RAB3C: variants seen among roughly 807,000 people sequenced by gnomAD.
The protein encoded by RAB3C is ras-related protein Rab-3C.
In RAB3C, 17 loss-of-function variants were observed where a neutral mutation model predicts 26.4. The observed-to-expected ratio is 0.64, with a 90% CI of 0.44 to 0.97. The LOEUF is 0.97. RAB3C is among the 50% of genes least tolerant of loss of function. RAB3C has a pLI of 0.00. For missense variants in RAB3C, 242 were observed against 281.9 expected (o/e 0.86, Z 1.01); for synonymous variants, 91 against 95.9 (o/e 0.95, Z 0.30).
At chr5:58,645,825 A>C (rs1247057838) in intron 2 of RAB3C, among the ~76,000 whole-genome samples, 1 of 152,126 alleles carries the variant, frequency 6.6e-6, no homozygotes, top group Non-Finnish European at 1.5e-5. Context: ...GAGCAGAATG[A>C]GGTGAAGTGG....
intron 3 of RAB3C, among the ~76,000 whole-genome samples, chr5:58,745,507 C>T (rs1741385613): frequency 1.3e-5 from 2 of 151,896 alleles, no homozygotes; most frequent in Admixed American, 6.6e-5. Context: ...CATGGTGCTC[C>T]CTGATACTTC....
chr5:58,818,463 G>A (rs993329367), intron 3 of RAB3C, among the ~76,000 whole-genome samples: 16 of 151,914 alleles, frequency 1.1e-4, no homozygotes, highest in African/African-American at 3.1e-4. Context: ...TCTTTTTTAC[G>A]TTTATACATA....
chr5:58,636,418 C>T (rs1242702413), intron 2 of RAB3C, among the ~76,000 whole-genome samples: 1 of 152,194 alleles, frequency 6.6e-6, no homozygotes, highest in Non-Finnish European at 1.5e-5. Context: ...TGAATCCTGT[C>T]TTTTGACTCA....
intron 2 of RAB3C, among the ~76,000 whole-genome samples, chr5:58,711,097 C>T (rs748477028): frequency 2.5e-4 from 38 of 152,256 alleles, no homozygotes; most frequent in Non-Finnish European, 4.9e-4. Flanking sequence ...AATTTAATTG[C>T]GTATTTCATC....
At chr5:58,715,760 G>C (rs1281938050) in intron 2 of RAB3C, among the ~76,000 whole-genome samples, 1 of 152,068 alleles carries the variant, frequency 6.6e-6, no homozygotes. Flanking sequence ...CGATGAGAGA[G>C]AATGAAGATC....
chr5:58,583,938 GGTGCAGAA>G (rs1359074465), intron 1 of RAB3C, among the ~76,000 whole-genome samples: 4 of 152,148 alleles, frequency 2.6e-5, no homozygotes, highest in African/African-American at 4.8e-5. Context: ...AAAGGACTCT[GGTGCAGAA>G]GTACCACTGC....
intron 3 of RAB3C, among the ~76,000 whole-genome samples, chr5:58,748,241 GA>G (rs1741441275): frequency 6.6e-6 from 1 of 152,086 alleles, no homozygotes; most frequent in African/African-American, 2.4e-5. Context: ...ACAAGAACAA[GA>G]GAGATAACTT....
At chr5:58,841,749 C>T (rs1743880512) in intron 4 of RAB3C, among the ~76,000 whole-genome samples, 1 of 152,136 alleles carries the variant, frequency 6.6e-6, no homozygotes, top group Non-Finnish European at 1.5e-5. Flanking sequence ...CTTCCTAACT[C>T]CAGGCAGATC....
chr5:58,809,970 T>C (rs1426478561), intron 3 of RAB3C, among the ~76,000 whole-genome samples: 1 of 152,238 alleles, frequency 6.6e-6, no homozygotes, highest in African/African-American at 2.4e-5. Flanking sequence ...CCGTTTCACA[T>C]TGTTTGTGGC....
At chr5:58,728,131 A>G (rs1218236084) in intron 3 of RAB3C, among the ~76,000 whole-genome samples, 1 of 151,942 alleles carries the variant, frequency 6.6e-6, no homozygotes, top group Non-Finnish European at 1.5e-5. Flanking sequence ...ACCCTTACCT[A>G]CTTTTTTCAT....
intron 1 of RAB3C, among the ~76,000 whole-genome samples, chr5:58,610,172 G>GA (rs1746667661): frequency 2.4e-5 from 3 of 124,016 alleles, no homozygotes; most frequent in South Asian, 2.5e-4. Flanking sequence ...GAAGCTGTCA[G>GA]AAAAAAATGA....
At chr5:58,790,306 C>G (rs1048247378) in intron 3 of RAB3C, among the ~76,000 whole-genome samples, 1 of 152,176 alleles carries the variant, frequency 6.6e-6, no homozygotes, top group Non-Finnish European at 1.5e-5. Flanking sequence ...CACTAGATGG[C>G]TGCTATATAA....
chr5:58,591,944 G>C (rs1265325733), intron 1 of RAB3C, among the ~76,000 whole-genome samples: 1 of 144,500 alleles, frequency 6.9e-6, no homozygotes, highest in East Asian at 2.0e-4. Context: ...TGTTGCGCAG[G>C]CTGGAGTGCA....
intron 4 of RAB3C, among the ~76,000 whole-genome samples, chr5:58,834,556 T>C (rs1171252236): frequency 6.6e-6 from 1 of 152,222 alleles, no homozygotes; most frequent in African/African-American, 2.4e-5. Flanking sequence ...TAACTCTCAA[T>C]TGAAGTATTT....
chr5:58,616,010 A>ACT, intron 1 of RAB3C, among the ~76,000 whole-genome samples: 1 of 149,596 alleles, frequency 6.7e-6, no homozygotes, highest in South Asian at 2.1e-4. Context: ...ACACACACAC[A>ACT]CCCCTGACTT....
chr5:58,666,889 C>T lies in RAB3C; in HGVS notation c.252+49019C>T, dbSNP rs114327557. 4.0e-3 allele frequency among the ~76,000 whole-genome samples: 613 copies of T among 152,292 alleles called. 3 individuals carry two copies. The highest frequency in any genetic ancestry group is 0.012 in the African/African-American group (500 of 41,570). On this transcript the variant is annotated intron_variant, in intron 2 of 4. Transcript: ENST00000282878. ...TATGAAAACAGCAGTGAGGTGATGA[C>T]GTGCGTGGGACGTCAGACCAGAGCC...
intron 3 of RAB3C, among the ~76,000 whole-genome samples, chr5:58,761,049 C>T (rs55949058): frequency 1.8e-4 from 27 of 147,706 alleles, no homozygotes; most frequent in Middle Eastern, 3.4e-3. Context: ...TCTCTCTCTC[C>T]CTCTCTCTCT....
chr5:58,809,698 A>T (rs1387436814), intron 3 of RAB3C, among the ~76,000 whole-genome samples: 1 of 152,094 alleles, frequency 6.6e-6, no homozygotes, highest in Non-Finnish European at 1.5e-5. Context: ...CCTGACACAC[A>T]CCACTGTGGG....
intron 2 of RAB3C, among the ~76,000 whole-genome samples, chr5:58,636,839 G>C (rs1333356765): frequency 6.6e-6 from 1 of 152,102 alleles, no homozygotes; most frequent in African/African-American, 2.4e-5. Context: ...CCTTATTTTT[G>C]TGATGTCAAG....
Sources: allele counts gnomAD v4.1 joint callset (sites outside exome capture counted in the v4.1 genomes callset), GRCh38; gene constraint gnomAD v4.1.1; transcripts MANE v1.5; gene names NCBI Gene and HGNC (gene_info 2026-07-23, HGNC 2026-07-21).